Variants in ATIC observed in about 807,000 individuals in gnomAD.
The protein encoded by ATIC is 5-aminoimidazole-4-carboxamide ribonucleotide formyltransferase/IMP cyclohydrolase, also known as bifunctional purine biosynthesis protein ATIC.
ATIC carries 64 observed loss-of-function variants against 72.5 expected under a neutral mutation model. The observed-to-expected ratio is 0.88, with a 90% CI of 0.72 to 1.09. The LOEUF is 1.09. ATIC is among the 50% of genes least tolerant of loss of function. The probability of loss-of-function intolerance (pLI) is 0.00; values close to 1 mark genes in which losing one functional copy is unlikely to be tolerated. For missense variants in ATIC, 787 were observed against 732.4 expected (o/e 1.07, Z -0.86); for synonymous variants, 281 against 267.1 (o/e 1.05, Z -0.51).
chr2:215,326,808 T>TA lies in ATIC; in HGVS notation c.532-13dup, dbSNP rs774664099. The TA allele has an allele frequency of 5.5e-5, 88 of 1,613,774 alleles. No homozygotes were observed. Among genetic ancestry groups the TA allele is most frequent in the Admixed American group, 6.7e-5 (4 of 59,966 alleles). ...AGTGCTGCTCGTGTCTCACAAAACT[T>TA]ACGCTTTTTGTAGGCATTCACTCAT... On this transcript the variant is annotated splice_polypyrimidine_tract_variant and intron_variant, in intron 6 of 15. Transcript: ENST00000236959.
At chr2:215,336,217 C>T in intron 11 of ATIC, 93 bp downstream of exon 11, 1 of 946,898 alleles carries the variant, frequency 1.1e-6, no homozygotes, top group South Asian at 1.4e-5. Context: ...TCATACCCTT[C>T]TAGTTTATCC....
rs188057519 is a variant in ATIC at position 215,333,221 on chromosome 2, G to A, written c.815-129G>A. ...TAATTATCTGGCTAAATAGATTTCT[G>A]TTTAATTTAGCACAGGCACTAGAAA... On this transcript the variant is annotated intron_variant, in intron 8 of 15. Transcript: ENST00000236959. 280 of 763,494 alleles carry A rather than the reference G, an allele frequency of 3.7e-4. 1 individual carries two copies. In the East Asian group the frequency reaches 7.2e-3, roughly 20 times the overall value. 47.3% of individuals were successfully genotyped at this position (763,494 alleles called of 1,614,324 possible).
chr2:215,322,923 GTTTT>G (rs1234004642), intron 4 of ATIC, among the ~76,000 whole-genome samples: 37 of 151,870 alleles, frequency 2.4e-4, no homozygotes, highest in Non-Finnish European at 5.1e-4. Context: ...TCATTTTTCT[GTTTT>G]TTGTTTGTTT....
At chr2:215,349,868 A>G (rs2053116203), downstream of ATIC, 1 of 831,194 alleles carries the variant, frequency 1.2e-6, no homozygotes, top group Non-Finnish European at 1.8e-6. Flanking sequence ...ACCCCTGCCT[A>G]CCGGAGCTCA....
Position 215,345,663 on chromosome 2 carries a change from G to C in ATIC, c.1320+792G>C, listed in dbSNP as rs139101090. On this transcript the variant is annotated intron_variant, in intron 13 of 15. Coordinates refer to ENST00000236959, the MANE Select transcript of ATIC (RefSeq NM_004044.7). ...GTGGGTGGATATGAATTAGCCTATGGCCTGGAAGACCCCAGATTGCCAGTC... is the reference window on the plus strand; with the variant it reads ...GTGGGTGGATATGAATTAGCCTATGCCCTGGAAGACCCCAGATTGCCAGTC... 873 of 152,470 alleles carry C rather than the reference G, an allele frequency of 5.7e-3. 7 individuals carry two copies. The highest frequency in any genetic ancestry group is 4.9e-3 in the Non-Finnish European group (337 of 68,192). The allele number at this position is 152,470 out of a possible 1,614,324, so 9.4% of individuals were successfully genotyped here. A position where few individuals can be genotyped will look rare whatever the true frequency, so the allele number is the denominator to read the frequency against.
the ATIC span, chr2:215,365,711 C>A: frequency 7.3e-7 from 1 of 1,362,638 alleles, no homozygotes; most frequent in Non-Finnish European, 1.0e-6. Context: ...TGGGACGTGT[C>A]ACAGGGTCTT....
At chr2:215,357,029 C>T in the ATIC span, among the ~76,000 whole-genome samples, 58 of 152,298 alleles carry the variant, frequency 3.8e-4, no homozygotes, top group African/African-American at 1.3e-3. Flanking sequence ...GCAGCCGCAC[C>T]GTTTTACATT....
At chr2:215,336,249 A>C in intron 11 of ATIC, 125 bp downstream of exon 11, 1 of 771,714 alleles carries the variant, frequency 1.3e-6, no homozygotes, top group South Asian at 1.7e-5. Flanking sequence ...TATTTTCCCC[A>C]ATCCTGCATT....
intron 2 of ATIC, among the ~76,000 whole-genome samples, chr2:215,315,996 G>T (rs1049197942): frequency 6.6e-6 from 1 of 151,586 alleles, no homozygotes; most frequent in African/African-American, 2.4e-5. Context: ...CTGCTTCTGA[G>T]CATATTTTTG....
rs1162234236 is a variant in ATIC, at chr2:215,346,941, G to A, written c.1503G>A (p.Glu501=). ...IDQYVTGTIG[E]DEDLIKWKAL... The stretch of plus-strand genomic sequence containing the variant: ...AATATGTGACTGGAACCATTGGCGA[G>A]GTGAAAGACTTGGCATTGGGTTCTC... The change falls in exon 14 of 16, where the codon GAG becomes GAA. Residue 501 remains glutamate (E), a splice_region_variant and synonymous_variant. Transcript: ENST00000236959. The A allele has an allele frequency of 6.2e-7, 1 of 1,614,126 alleles. No homozygotes were observed. Among genetic ancestry groups the A allele is most frequent in the Non-Finnish European group, 8.5e-7 (1 of 1,180,018 alleles).
chr2:215,316,991 T>C (rs1347299459), intron 2 of ATIC, among the ~76,000 whole-genome samples: 2 of 152,148 alleles, frequency 1.3e-5, no homozygotes, highest in Non-Finnish European at 1.5e-5. Flanking sequence ...GGAACTCCCT[T>C]ACCTCAGGTG....
In ATIC at chr2:215,344,798, G is replaced by A. The variant is rs146536943; in HGVS notation, c.1247G>A (p.Arg416Gln). 6.2e-6 allele frequency: 10 copies of A among 1,613,864 alleles called. No homozygotes were observed. The highest frequency in any genetic ancestry group is 5.3e-5 in the African/African-American group (4 of 74,874). Residue 416 changes from arginine to glutamine, a missense_variant, in exon 13 of 16, where the codon CGA becomes CAA. Transcript: ENST00000236959. ...TTTCAGTTGCCAGAGTCTGCCCTCC[G>A]AGACCTCATCGTAGCCACCATTGCT... ...KNKDLPESAL[R>Q]DLIVATIAVK...
rs1354274547 is a variant in ATIC, at chr2:215,335,007, TAGTGGAC to T, written c.1008+5_1008+11del. Reference sequence around the variant, plus strand: ...CTGCAAAAATTATTTCCAGAGAAGTTAGTGGACATTCATGTATCTTAATCTGTGTGTT... The same window carrying T: ...CTGCAAAAATTATTTCCAGAGAAGTTATTCATGTATCTTAATCTGTGTGTT... On this transcript the variant is annotated splice_donor_5th_base_variant and intron_variant, in intron 10 of 15. Transcript: ENST00000236959. 4.4e-6 allele frequency: 7 copies of T among 1,606,972 alleles called. No homozygotes were observed. The South Asian group carries it at 7.7e-5, about 18-fold the overall frequency.
chr2:215,368,449 GTAA>G, the ATIC span, among the ~76,000 whole-genome samples: 1 of 152,096 alleles, frequency 6.6e-6, no homozygotes, highest in African/African-American at 2.4e-5. Context: ...CAATACTAGC[GTAA>G]TAATAAAAAT....
intron 2 of ATIC, 85 bp from the exon 3 acceptor site, chr2:215,318,072 T>C: frequency 8.1e-7 from 1 of 1,240,836 alleles, no homozygotes; most frequent in South Asian, 1.2e-5. Context: ...CAAAATCTCT[T>C]GAAATGAAAA....
At chr2:215,330,131 C>T (rs1018797738) in intron 7 of ATIC, among the ~76,000 whole-genome samples, 7 of 152,166 alleles carry the variant, frequency 4.6e-5, no homozygotes, top group Non-Finnish European at 1.0e-4. Flanking sequence ...TTAGCCTAAA[C>T]CATCTATGAG....
chr2:215,322,332 T>TC (rs200150948), intron 4 of ATIC, among the ~76,000 whole-genome samples: 37 of 148,384 alleles, frequency 2.5e-4, no homozygotes, highest in South Asian at 1.9e-3. Flanking sequence ...TTTCTTTCTT[T>TC]TTTTTTTTTT....
intron 12 of ATIC, among the ~76,000 whole-genome samples, chr2:215,342,666 T>TG (rs1442782908): frequency 3.3e-5 from 5 of 152,094 alleles, no homozygotes; most frequent in African/African-American, 7.2e-5. Flanking sequence ...TTTTTGTGTG[T>TG]TTGTGTGAGC....
the ATIC span, chr2:215,361,259 C>G: frequency 3.1e-5 from 11 of 360,420 alleles, no homozygotes; most frequent in South Asian, 3.7e-4. Context: ...GCTGCATATG[C>G]TTTCCTATTG....
Sources: gnomAD v4.1 joint callset for allele counts (sites outside exome capture counted in the v4.1 genomes callset) on GRCh38, gnomAD v4.1.1 for gene constraint, MANE v1.5 for transcripts, NCBI Gene and HGNC (gene_info 2026-07-23, HGNC 2026-07-21) for gene names.